CSMD2: variants seen among roughly 807,000 people sequenced by gnomAD.
CSMD2 encodes the protein CUB and Sushi multiple domains 2, also known as CUB and sushi domain-containing protein 2.
A neutral mutation model predicts 398.5 loss-of-function variants in CSMD2; 130 were observed. The observed-to-expected ratio is 0.33, with a 90% CI of 0.28 to 0.38. The LOEUF (loss-of-function observed/expected upper bound fraction) is 0.38, where lower values mean the gene tolerates loss of function less well. Among genes scored for constraint, CSMD2 ranks in the 10% least tolerant of loss-of-function variants. The pLI, the probability that CSMD2 is intolerant of heterozygous loss-of-function variation, is 1.00. For missense variants in CSMD2, 3,829 were observed against 4,764.9 expected (o/e 0.80, Z 5.78); for synonymous variants, 1,828 against 1,908.5 (o/e 0.96, Z 1.10).
At chr1:34,060,620 G>A (rs1014608716) in intron 2 of CSMD2, among the ~76,000 whole-genome samples, 1 of 150,458 alleles carries the variant, frequency 6.6e-6, no homozygotes, top group African/African-American at 2.4e-5. Flanking sequence ...ACAAATGCAG[G>A]ATTTGTGCAA....
chr1:33,592,564 T>A (rs918630386), intron 44 of CSMD2: 5 of 715,296 alleles, frequency 7.0e-6, no homozygotes, highest in Non-Finnish European at 1.0e-5. Context: ...GCTAATCATA[T>A]TGTGTTAAGG....
At position 34,087,567 on chromosome 1, in the gene CSMD2, T is replaced by C. The variant is rs891771730; in HGVS notation, c.404+1410A>G. Among the ~76,000 whole-genome samples, 4 of 151,030 alleles carry C rather than the reference T, an allele frequency of 2.6e-5. No homozygotes were observed. The East Asian group carries it at 5.8e-4, about 22-fold the overall frequency. The stretch of plus-strand genomic sequence containing the variant: ...AACCACCACGGCACATGTATACCTA[T>C]GTAACAAACCTGCATGTTCTGCACA... On this transcript the variant is annotated intron_variant, in intron 2 of 70. Coordinates refer to ENST00000373381, the MANE Select transcript of CSMD2 (RefSeq NM_001281956.2).
At chr1:33,615,119 C>T (rs997509900) in intron 39 of CSMD2, among the ~76,000 whole-genome samples, 10 of 152,104 alleles carry the variant, frequency 6.6e-5, no homozygotes, top group African/African-American at 1.9e-4. Flanking sequence ...GCAGGGTGGG[C>T]GGCAGGGGAG....
chr1:34,038,866 T>G (rs1204343650), intron 2 of CSMD2, among the ~76,000 whole-genome samples: 1 of 152,192 alleles, frequency 6.6e-6, no homozygotes, highest in Non-Finnish European at 1.5e-5. Flanking sequence ...TGTCAGTGAT[T>G]AAATACTCTT....
chr1:33,807,139 C>T (rs1054305687), intron 10 of CSMD2, among the ~76,000 whole-genome samples: 2 of 152,178 alleles, frequency 1.3e-5, no homozygotes, highest in African/African-American at 4.8e-5. Context: ...AATAAACTGA[C>T]AGCAACAGTG....
intron 55 of CSMD2, among the ~76,000 whole-genome samples, chr1:33,554,562 A>G (rs1657782653): frequency 6.6e-6 from 1 of 152,070 alleles, no homozygotes; most frequent in Admixed American, 6.5e-5. Flanking sequence ...CAAAATTTCA[A>G]AAGACTGAAT....
At chr1:33,568,631 A>G (rs1190818658) in intron 52 of CSMD2, among the ~76,000 whole-genome samples, 2 of 152,144 alleles carry the variant, frequency 1.3e-5, no homozygotes, top group Admixed American at 1.3e-4. Flanking sequence ...CTCCTTGAGT[A>G]GCACCTAGGT....
intron 5 of CSMD2, among the ~76,000 whole-genome samples, chr1:33,916,523 T>C (rs932191888): frequency 6.6e-6 from 1 of 152,290 alleles, no homozygotes; most frequent in East Asian, 1.9e-4. Flanking sequence ...GACTAGTTTA[T>C]AGAATGTCAT....
chr1:33,890,990 G>C (rs530063133), intron 5 of CSMD2, among the ~76,000 whole-genome samples: 12 of 152,260 alleles, frequency 7.9e-5, no homozygotes, highest in Admixed American at 1.3e-4. Flanking sequence ...ATAGGCATGG[G>C]CAAAGACTTC....
chr1:33,557,856 T>A lies in CSMD2; in HGVS notation c.8621A>T (p.His2874Leu). 6.5e-7 allele frequency: 1 copy of A among 1,535,996 alleles called. No individual in the cohort carries two copies. Among genetic ancestry groups the A allele is most frequent in the Non-Finnish European group, 8.7e-7 (1 of 1,146,858 alleles). The change falls in exon 55 of 71, where the codon CAC becomes CTC. Residue 2874 changes from histidine to leucine, a missense_variant. His to Leu is a moderately conservative substitution (Grantham distance 99). Around this residue, in one of 5 missense-constraint regions of CSMD2, gnomAD observed 917 missense variants for 1,199.5 expected, o/e 0.76. Transcript: ENST00000373381. ...SVRQVHASGP[H>L]RFSFGTTVSY... Reference sequence around the variant, plus strand: ...CACAGTGGTGCCGAAGCTGAACCTGTGCGGGCCGCTGGCGTGGACCTGACG... The same window carrying A: ...CACAGTGGTGCCGAAGCTGAACCTGAGCGGGCCGCTGGCGTGGACCTGACG...
At chr1:33,806,094 C>T (rs1015425317) in intron 10 of CSMD2, among the ~76,000 whole-genome samples, 5 of 152,090 alleles carry the variant, frequency 3.3e-5, no homozygotes, top group African/African-American at 1.2e-4. Flanking sequence ...ATTCAGGGCC[C>T]AGCACAATGG....
intron 3 of CSMD2, among the ~76,000 whole-genome samples, chr1:33,998,355 C>A (rs561909400): frequency 6.6e-6 from 1 of 152,158 alleles, no homozygotes; most frequent in Non-Finnish European, 1.5e-5. Context: ...AGCCTCCATT[C>A]CTTTTTAAAT....
chr1:33,901,148 A>T (rs1479591963), intron 5 of CSMD2, among the ~76,000 whole-genome samples: 1 of 152,254 alleles, frequency 6.6e-6, no homozygotes, highest in African/African-American at 2.4e-5. Flanking sequence ...GCAAGATGGC[A>T]TTCCACACAT....
intron 2 of CSMD2, among the ~76,000 whole-genome samples, chr1:34,074,423 C>T (rs1467480294): frequency 3.3e-5 from 5 of 152,126 alleles, no homozygotes; most frequent in South Asian, 2.1e-4. Context: ...TCCCACTATA[C>T]ACCAGCCAAA....
intron 67 of CSMD2, among the ~76,000 whole-genome samples, chr1:33,522,034 C>T (rs750969150): frequency 2.1e-4 from 32 of 152,296 alleles, no homozygotes; most frequent in Middle Eastern, 3.4e-3. Context: ...TTGGAGAGTT[C>T]GTCACAGTTC....
At chr1:33,722,462 T>C (rs114119008) in intron 19 of CSMD2, among the ~76,000 whole-genome samples, 1,608 of 152,356 alleles carry the variant, frequency 0.011, 24 homozygotes, top group African/African-American at 0.034. Context: ...ACAATTTTCT[T>C]TGATGACTTA....
At chr1:33,740,810 T>C (rs1647033395) in intron 14 of CSMD2, among the ~76,000 whole-genome samples, 1 of 152,202 alleles carries the variant, frequency 6.6e-6, no homozygotes, top group African/African-American at 2.4e-5. Flanking sequence ...CACCCACATA[T>C]GAACACACAC....
At chr1:33,753,926 G>A (rs1056862250) in intron 13 of CSMD2, among the ~76,000 whole-genome samples, 4 of 152,324 alleles carry the variant, frequency 2.6e-5, no homozygotes, top group Non-Finnish European at 5.9e-5. Flanking sequence ...CCAAATGTCT[G>A]CACACCATTG....
intron 1 of CSMD2, among the ~76,000 whole-genome samples, chr1:34,109,510 G>A (rs879653711): frequency 6.6e-6 from 1 of 152,170 alleles, no homozygotes; most frequent in East Asian, 1.9e-4. Flanking sequence ...TTGTCCCCCA[G>A]AGTTTTTACA....
Sources: allele counts gnomAD v4.1 joint callset (sites outside exome capture counted in the v4.1 genomes callset), GRCh38; gene constraint gnomAD v4.1.1; regional missense constraint gnomAD v4.1.1; transcripts MANE v1.5; gene names NCBI Gene and HGNC (gene_info 2026-07-23, HGNC 2026-07-21).